RBM15: variants seen among roughly 807,000 people sequenced by gnomAD.
The protein encoded by RBM15 is RNA binding motif protein 15, also known as RNA-binding protein 15.
Under a neutral mutation model 62.6 loss-of-function variants are expected in RBM15, and 8 were observed. That is an observed-to-expected ratio of 0.13 (90% confidence interval 0.07 to 0.23). The LOEUF (loss-of-function observed/expected upper bound fraction) is 0.23. Ranked by LOEUF, RBM15 falls within the 10% of genes least tolerant of loss-of-function variation. The probability of loss-of-function intolerance (pLI) is 1.00; values close to 1 mark genes in which losing one functional copy is unlikely to be tolerated. For missense variants in RBM15, 1,144 were observed against 1,286.5 expected, an observed-to-expected ratio of 0.89 and a Z score of 1.69; for synonymous variants, 606 against 505.7, an observed-to-expected ratio of 1.20 and a Z score of -2.66.
chr1:110,343,549 A>G (rs551364619), intron 1 of RBM15, among the ~76,000 whole-genome samples: 7 of 151,762 alleles, frequency 4.6e-5, no homozygotes, highest in East Asian at 1.9e-4. Context: ...GATGATATCA[A>G]CCTCTGGTTC....
chr1:110,346,037 G>A (rs575340334), intron 2 of RBM15, among the ~76,000 whole-genome samples: 4 of 152,146 alleles, frequency 2.6e-5, no homozygotes, highest in African/African-American at 9.6e-5. Flanking sequence ...AGTTACATGA[G>A]TTAAAGGATA....
intron 2 of RBM15, among the ~76,000 whole-genome samples, 181 bp from the exon 3 acceptor site, chr1:110,346,127 A>G (rs559638738): frequency 6.6e-6 from 1 of 152,310 alleles, no homozygotes; most frequent in East Asian, 1.9e-4. Flanking sequence ...CTATTCATAC[A>G]GTAAATTCAT....
At chr1:110,343,253 G>C (rs1660837393) in intron 1 of RBM15, among the ~76,000 whole-genome samples, 1 of 152,096 alleles carries the variant, frequency 6.6e-6, no homozygotes, top group African/African-American at 2.4e-5. Flanking sequence ...AGCCATATTT[G>C]GATTGCAGAA....
intron 1 of RBM15, among the ~76,000 whole-genome samples, chr1:110,343,983 C>CA (rs1570613154): frequency 6.6e-6 from 1 of 152,118 alleles, no homozygotes; most frequent in East Asian, 1.9e-4. Flanking sequence ...TTTAAGTTTG[C>CA]AGGTTTTGTG....
chr1:110,340,184 C>T lies in RBM15; in HGVS notation c.779C>T (p.Pro260Leu). 5.0e-6 allele frequency: 8 copies of T among 1,614,122 alleles called. No homozygotes were observed. Among genetic ancestry groups the T allele is most frequent in the Non-Finnish European group, 6.8e-6 (8 of 1,179,974 alleles). Residue 260 changes from proline (P) to leucine (L), a missense_variant, in exon 1 of 3, where the codon CCT (proline) becomes CTT (leucine). Physicochemically the swap from Pro to Leu is moderately conservative, Grantham distance 98 (BLOSUM62 -3). Around this residue, in one of 8 missense-constraint regions of RBM15, gnomAD observed 188 missense variants for 185.6 expected, o/e 1.01. Coordinates refer to ENST00000369784, the MANE Select transcript of RBM15 (RefSeq NM_022768.5). This position sits in a 1 kb window ranked among gnomAD's most constrained non-coding sequence, Gnocchi z 5.8. ...VYVSRRRSRS[P>L]LDKDTYPPSA... ...GTGAGCCGGCGCCGCAGCCGCTCCCCTTTAGACAAAGATACTTATCCTCCA... is the reference window on the plus strand; with the variant it reads ...GTGAGCCGGCGCCGCAGCCGCTCCCTTTTAGACAAAGATACTTATCCTCCA...
chr1:110,343,951 T>A (rs1415822009), intron 1 of RBM15, among the ~76,000 whole-genome samples: 1 of 152,242 alleles, frequency 6.6e-6, no homozygotes, highest in African/African-American at 2.4e-5. Context: ...CCCTCTTGGT[T>A]TTCACTATGC....
Position 110,339,819 on chromosome 1 carries a change from C to T in RBM15, c.414C>T (p.Gly138=), listed in dbSNP as rs1557890630. The T allele has an allele frequency of 5.6e-6, 9 of 1,599,752 alleles. No homozygotes were observed. Among genetic ancestry groups the T allele is most frequent in the Non-Finnish European group, 7.7e-6 (9 of 1,169,468 alleles). Residue 138 remains glycine (G), a synonymous_variant, in exon 1 of 3, where the codon GGC becomes GGT. Coordinates refer to ENST00000369784, the MANE Select transcript of RBM15 (RefSeq NM_022768.5). ...SPSTKNSSGG[G]ESRSSSRGGG... ...GCACCAAAAATTCTTCGGGCGGGGG[C>T]GAATCGCGCAGCAGCTCCCGGGGTG...
intron 2 of RBM15, 59 bp from the exon 3 acceptor site, chr1:110,346,249 A>T: frequency 1.3e-6 from 2 of 1,505,646 alleles, no homozygotes; most frequent in Non-Finnish European, 1.8e-6. Flanking sequence ...GGAAATATAT[A>T]TATTTTTAAT....
Position 110,341,750 on chromosome 1 carries a change from C to A in RBM15, c.2345C>A (p.Pro782His). 1 of 1,614,182 alleles carries A rather than the reference C, an allele frequency of 6.2e-7. No individual in the cohort carries two copies. Among genetic ancestry groups the A allele is most frequent in the Non-Finnish European group, 8.5e-7 (1 of 1,180,040 alleles). The part of the protein sequence containing the change: ...GGTAPVASAS[P>H]KLCLAWQGML... ...ACAGCCCCTGTGGCATCAGCCTCTC[C>A]CAAACTCTGTTTGGCCTGGCAGGGC... The change falls in exon 1 of 3, where the codon CCC becomes CAC. Residue 782 changes from proline to histidine, a missense_variant. Pro to His is a moderately conservative substitution (Grantham distance 77, BLOSUM62 -2). Coordinates refer to ENST00000369784, the MANE Select transcript of RBM15 (RefSeq NM_022768.5). This position sits in a 1 kb window ranked among gnomAD's most constrained non-coding sequence, Gnocchi z 4.5.
chr1:110,343,089 G>A (rs1460929450), intron 1 of RBM15, among the ~76,000 whole-genome samples: 1 of 152,130 alleles, frequency 6.6e-6, no homozygotes, highest in Non-Finnish European at 1.5e-5. Context: ...GGTGTAGCAG[G>A]TACAGTTCTA....
At position 110,340,536 on chromosome 1, in the gene RBM15, C is replaced by T. The variant is rs1438124278; in HGVS notation, c.1131C>T (p.Phe377=). The change falls in exon 1 of 3, where the codon TTC becomes TTT. Residue 377 remains phenylalanine, a synonymous_variant. Coordinates refer to ENST00000369784, the MANE Select transcript of RBM15 (RefSeq NM_022768.5). This position sits in a 1 kb window ranked among gnomAD's most constrained non-coding sequence, Gnocchi z 5.8. ...EDDQRANRTL[F]LGNLDITVTE... The stretch of plus-strand genomic sequence containing the variant: ...ATCAGCGAGCTAACCGGACGCTCTT[C>T]TTGGGCAACCTAGACATCACTGTAA... The T allele has an allele frequency of 6.2e-7, 1 of 1,614,072 alleles. No homozygotes were observed. Among genetic ancestry groups the T allele is most frequent in the Non-Finnish European group, 8.5e-7 (1 of 1,180,038 alleles).
chr1:110,342,539 C>A (rs1159868897), intron 1 of RBM15: 1 of 386,246 alleles, frequency 2.6e-6, no homozygotes, highest in African/African-American at 2.1e-5. Flanking sequence ...AGTTCCCACC[C>A]TTATGAGTAA....
At position 110,341,654 on chromosome 1, in the gene RBM15, A is replaced by G. The variant is rs376733124; in HGVS notation, c.2249A>G (p.Asp750Gly). 6.2e-7 allele frequency: 1 copy of G among 1,614,138 alleles called. No individual in the cohort carries two copies. Among genetic ancestry groups the G allele is most frequent in the Non-Finnish European group, 8.5e-7 (1 of 1,180,026 alleles). The change falls in exon 1 of 3, where the codon GAT becomes GGT. Residue 750 changes from aspartate (D) to glycine (G), a missense_variant. Asp to Gly is a moderately conservative substitution (Grantham distance 94). Around this residue, in one of 8 missense-constraint regions of RBM15, gnomAD observed 360 missense variants for 342.9 expected, o/e 1.05. Transcript: ENST00000369784. The surrounding 1 kb of genome is among the most constrained non-coding windows in gnomAD (Gnocchi z 4.5). ...CCTCTGAAAAAAGAAGACCGCTCTGATGGGAGTGCACCTAGCACCAGCACT... is the reference window on the plus strand; with the variant it reads ...CCTCTGAAAAAAGAAGACCGCTCTGGTGGGAGTGCACCTAGCACCAGCACT... ...KSPLKKEDRS[D>G]GSAPSTSTAS...
rs769946855 is a variant in RBM15, at chr1:110,340,995, A to C, written c.1590A>C (p.Glu530Asp). ...RRLRVDFADTEHRYQQQYLQP... is the reference protein window; with the variant it reads ...RRLRVDFADTDHRYQQQYLQP... ...TTAGAGTAGACTTTGCCGACACCGA[A>C]CATCGTTACCAGCAGCAGTATCTGC... The change falls in exon 1 of 3, where the codon GAA (glutamate) becomes GAC (aspartate). Residue 530 changes from glutamate to aspartate, a missense_variant. Glu to Asp is a conservative substitution (Grantham distance 45). Coordinates refer to ENST00000369784, the MANE Select transcript of RBM15 (RefSeq NM_022768.5). This position sits in a 1 kb window ranked among gnomAD's most constrained non-coding sequence, Gnocchi z 5.8. 6.2e-7 allele frequency: 1 copy of C among 1,614,198 alleles called. No individual in the cohort carries two copies. The highest frequency in any genetic ancestry group is 8.5e-7 in the Non-Finnish European group (1 of 1,180,018).
At position 110,339,562 on chromosome 1, in the gene RBM15, G is replaced by A. The variant is rs368721808; in HGVS notation, c.157G>A (p.Val53Met). 6.2e-7 allele frequency: 1 copy of A among 1,605,754 alleles called. No individual in the cohort carries two copies. The highest frequency in any genetic ancestry group is 8.5e-7 in the Non-Finnish European group (1 of 1,173,736). The change falls in exon 1 of 3, where the codon GTG becomes ATG. Residue 53 changes from valine to methionine, a missense_variant. By Grantham distance (21) the Val-to-Met change is conservative. Coordinates refer to ENST00000369784, the MANE Select transcript of RBM15 (RefSeq NM_022768.5). ...AATGAAGGGAAAAGAGCGCTCGCCAGTGAAGGCCAAACGCTCCCGTGGTGG... is the reference window on the plus strand; with the variant it reads ...AATGAAGGGAAAAGAGCGCTCGCCAATGAAGGCCAAACGCTCCCGTGGTGG... Reference protein sequence around the residue: ...ATMKGKERSPVKAKRSRGGED... With the variant: ...ATMKGKERSPMKAKRSRGGED...
chr1:110,343,517 GT>G (rs567393457), intron 1 of RBM15, among the ~76,000 whole-genome samples: 26 of 119,576 alleles, frequency 2.2e-4, no homozygotes, highest in East Asian at 4.6e-4. Context: ...TAGCCTCACA[GT>G]TTTTTTTTTT....
At position 110,341,020 on chromosome 1, in the gene RBM15, C is replaced by A; in HGVS notation, c.1615C>A (p.Gln539Lys). Residue 539 changes from glutamine to lysine, a missense_variant, in exon 1 of 3, where the codon CAG becomes AAG. Gln to Lys is a moderately conservative substitution (Grantham distance 53). This residue lies in a region of RBM15 where 360 missense variants were observed against 342.9 expected (regional missense o/e 1.05). Coordinates refer to ENST00000369784, the MANE Select transcript of RBM15 (RefSeq NM_022768.5). The surrounding 1 kb of genome is among the most constrained non-coding windows in gnomAD (Gnocchi z 4.5). Reference sequence around the variant, plus strand: ...ACATCGTTACCAGCAGCAGTATCTGCAGCCTCTGCCCTTGACTCATTATGA... The same window carrying A: ...ACATCGTTACCAGCAGCAGTATCTGAAGCCTCTGCCCTTGACTCATTATGA... ...TEHRYQQQYL[Q>K]PLPLTHYELV... The A allele has an allele frequency of 3.7e-6, 6 of 1,614,222 alleles. No individual in the cohort carries two copies. Among genetic ancestry groups the A allele is most frequent in the Non-Finnish European group, 5.1e-6 (6 of 1,180,030 alleles).
rs1320836827 is a variant in RBM15, at chr1:110,340,608, A to C, written c.1203A>C (p.Thr401=). The change falls in exon 1 of 3, where the codon ACA becomes ACC. Residue 401 remains threonine, a synonymous_variant. Coordinates refer to ENST00000369784, the MANE Select transcript of RBM15 (RefSeq NM_022768.5). The surrounding 1 kb of genome is among the most constrained non-coding windows in gnomAD (Gnocchi z 5.8). ...RRAFDRFGVI[T]EVDIKRPSRG... ...CGTTTGATCGCTTTGGAGTCATCAC[A>C]GAAGTAGATATCAAGAGGCCTTCTC... The C allele has an allele frequency of 1.2e-6, 2 of 1,614,122 alleles. No individual in the cohort carries two copies. The highest frequency in any genetic ancestry group is 1.3e-5 in the African/African-American group (1 of 74,954).
In RBM15 at chr1:110,340,135, C is replaced by T. The variant is rs1660762724; in HGVS notation, c.730C>T (p.Pro244Ser). The stretch of plus-strand genomic sequence containing the variant: ...AGGCCGCCTGGTGCTCTATGACCGG[C>T]CTCTGAAGATAGAAGCTGTGTATGT... Reference protein sequence around the residue: ...ARGRLVLYDRPLKIEAVYVSR... With the variant: ...ARGRLVLYDRSLKIEAVYVSR... The change falls in exon 1 of 3, where the codon CCT (proline) becomes TCT (serine). Residue 244 changes from proline to serine, a missense_variant. Pro to Ser is a moderately conservative substitution (Grantham distance 74). Transcript: ENST00000369784. This position sits in a 1 kb window ranked among gnomAD's most constrained non-coding sequence, Gnocchi z 5.8. The T allele has an allele frequency of 4.3e-6, 7 of 1,613,854 alleles. No homozygotes were observed. Among genetic ancestry groups the T allele is most frequent in the Non-Finnish European group, 5.1e-6 (6 of 1,179,934 alleles).
Sources: gnomAD v4.1 joint callset for allele counts (sites outside exome capture counted in the v4.1 genomes callset) on GRCh38, gnomAD v4.1.1 for gene constraint, gnomAD v4.1.1 regional missense constraint, Gnocchi (gnomAD v3.1) non-coding constraint, MANE v1.5 for transcripts, NCBI Gene and HGNC (gene_info 2026-07-23, HGNC 2026-07-21) for gene names.